XIRP2: variants seen among roughly 807,000 people sequenced by gnomAD.
XIRP2 encodes xin actin binding repeat containing 2.
XIRP2 carries 236 observed loss-of-function variants against 277.0 expected under a neutral mutation model. The ratio of observed to expected loss-of-function variants is 0.85; its 90% CI spans 0.77 to 0.95. XIRP2 has a LOEUF of 0.95. XIRP2 is among the 40% of genes least tolerant of loss of function. XIRP2 has a pLI of 0.00. For missense variants in XIRP2, 4,640 were observed against 4,157.5 expected (o/e 1.12, Z -3.19); for synonymous variants, 1,490 against 1,416.5 (o/e 1.05, Z -1.17).
intron 2 of XIRP2, among the ~76,000 whole-genome samples, chr2:167,118,482 G>GATAAAATAAAAGAAAATAAA (rs1690958840): frequency 8.2e-6 from 1 of 122,162 alleles, no homozygotes; most frequent in Non-Finnish European, 1.7e-5. Flanking sequence ...ACTCTGTCTC[G>GATAAAATAAAAGAAAATAAA]ATAAAATAAA....
At chr2:166,918,824 A>T (rs1192165923) in intron 2 of XIRP2, among the ~76,000 whole-genome samples, 1 of 152,178 alleles carries the variant, frequency 6.6e-6, no homozygotes, top group Non-Finnish European at 1.5e-5. Context: ...TCTGAGGACC[A>T]TCTTTCTTAA....
chr2:167,020,509 T>C (rs1687951877), intron 2 of XIRP2, among the ~76,000 whole-genome samples: 1 of 152,014 alleles, frequency 6.6e-6, no homozygotes, highest in Non-Finnish European at 1.5e-5. Flanking sequence ...AAACTGTATA[T>C]ATGTCTCAAT....
At chr2:167,123,857 A>G (rs1691126472) in intron 2 of XIRP2, 1 of 152,072 alleles carries the variant, frequency 6.6e-6, no homozygotes, top group Non-Finnish European at 1.5e-5. Context: ...GGTACTGGGG[A>G]TTAGAATTTT....
chr2:167,181,326 C>T (rs1693001786), intron 3 of XIRP2, among the ~76,000 whole-genome samples: 2 of 152,170 alleles, frequency 1.3e-5, no homozygotes, highest in South Asian at 2.1e-4. Flanking sequence ...TCTTCTCTGA[C>T]TCAGAGTTTG....
At chr2:167,193,862 A>T (rs1218337233) in intron 3 of XIRP2, among the ~76,000 whole-genome samples, 1 of 141,458 alleles carries the variant, frequency 7.1e-6, no homozygotes, top group Non-Finnish European at 1.5e-5. Flanking sequence ...TGGGTGACAC[A>T]GTATGAGACT....
rs145820696 is a variant in XIRP2 at position 167,019,241 on chromosome 2, C to A, written c.408+115351C>A. On this transcript the variant is annotated intron_variant, in intron 2 of 10. Coordinates refer to ENST00000409195, the MANE Select transcript of XIRP2 (RefSeq NM_152381.6). ...ATGAACTCTCAAGGTCTCGTTCAGTCCCTGCTGTTATAAAAATCTAAGAGT... is the reference window on the plus strand; with the variant it reads ...ATGAACTCTCAAGGTCTCGTTCAGTACCTGCTGTTATAAAAATCTAAGAGT... Among the ~76,000 whole-genome samples the A allele has an allele frequency of 3.4e-4, 52 of 152,028 alleles. No homozygotes were observed. In the East Asian group the frequency reaches 9.3e-3, roughly 27 times the overall value.
In XIRP2 at chr2:167,247,691, G is replaced by C; in HGVS notation, c.6299G>C (p.Arg2100Thr). ...KNNLTTKESDRAVRELKKDDV... is the reference protein window; with the variant it reads ...KNNLTTKESDTAVRELKKDDV... ...AATCTAACAACTAAAGAATCAGACA[G>C]GGCAGTGAGAGAGCTGAAGAAGGAT... is the stretch of plus-strand genomic sequence containing the variant. Residue 2100 changes from arginine (R) to threonine (T), a missense_variant, in exon 9 of 11, where the codon AGG becomes ACG. Physicochemically the swap from Arg to Thr is moderately conservative, Grantham distance 71. Transcript: ENST00000409195. 1 of 1,613,626 alleles carries C rather than the reference G, an allele frequency of 6.2e-7. No individual in the cohort carries two copies.
At chr2:167,230,970 C>G (rs1233989009) in intron 5 of XIRP2, among the ~76,000 whole-genome samples, 1 of 152,100 alleles carries the variant, frequency 6.6e-6, no homozygotes, top group Non-Finnish European at 1.5e-5. Flanking sequence ...CAATCTCTTA[C>G]AACCAACTCC....
chr2:167,088,501 A>G (rs146255378), intron 2 of XIRP2, among the ~76,000 whole-genome samples: 2 of 152,276 alleles, frequency 1.3e-5, no homozygotes, highest in Non-Finnish European at 1.5e-5. Context: ...TACAGCCAGG[A>G]TGATCTTTCA....
chr2:166,938,643 A>G (rs1197706703), intron 2 of XIRP2, among the ~76,000 whole-genome samples: 3 of 152,082 alleles, frequency 2.0e-5, no homozygotes, highest in African/African-American at 7.2e-5. Flanking sequence ...TAATTCCTGG[A>G]TATCCTTGTT....
In XIRP2 at chr2:167,239,895, G is replaced by A; in HGVS notation, c.899G>A (p.Ser300Asn). 6.2e-7 allele frequency: 1 copy of A among 1,609,332 alleles called. No individual in the cohort carries two copies. Among genetic ancestry groups the A allele is most frequent in the Non-Finnish European group, 8.5e-7 (1 of 1,178,204 alleles). The change falls in exon 6 of 11, where the codon AGC (serine) becomes AAC (asparagine). Residue 300 changes from serine to asparagine, a missense_variant. Ser to Asn is a conservative substitution (Grantham distance 46). Transcript: ENST00000409195. ...HSSQVGTSRS[S>N]QEMARNEQEG... Reference sequence around the variant, plus strand: ...AGCCAGGTTGGCACTTCAAGAAGCAGCCAGGAAATGGCAAGAAATGAACAA... The same window carrying A: ...AGCCAGGTTGGCACTTCAAGAAGCAACCAGGAAATGGCAAGAAATGAACAA...
At chr2:167,158,697 G>C (rs2105338366) in intron 3 of XIRP2, among the ~76,000 whole-genome samples, 1 of 152,100 alleles carries the variant, frequency 6.6e-6, no homozygotes, top group East Asian at 1.9e-4. Context: ...TAAATTTTAA[G>C]ATTGAGATGT....
rs760986379 is a variant in XIRP2 at position 167,258,326 on chromosome 2, C to T, written c.*509C>T. 8.7e-6 allele frequency: 14 copies of T among 1,613,336 alleles called. No homozygotes were observed. The South Asian group carries it at 1.4e-4, about 16-fold the overall frequency. On this transcript the variant is annotated 3_prime_UTR_variant, in exon 11 of 11. Coordinates refer to ENST00000409195, the MANE Select transcript of XIRP2 (RefSeq NM_152381.6). ...AACTCCAGAAAATAAAGGACAAAGA[C>T]AAGATCACTTTCCATTTTTGCAGCC...
At position 167,160,554 on chromosome 2, in the gene XIRP2, G is replaced by C. The variant is rs147364781; in HGVS notation, c.562+24492G>C. Among the ~76,000 whole-genome samples, 842 of 152,266 alleles carry C rather than the reference G, an allele frequency of 5.5e-3. 5 individuals carry two copies. Among genetic ancestry groups the C allele is most frequent in the African/African-American group, 0.019 (810 of 41,554 alleles). Reference sequence around the variant, plus strand: ...TCACACGGCAACAGACAAGAGAAGAGAGCTTGTGCAGGGAAACTCCTCCCC... The same window carrying C: ...TCACACGGCAACAGACAAGAGAAGACAGCTTGTGCAGGGAAACTCCTCCCC... On this transcript the variant is annotated intron_variant, in intron 3 of 10. Coordinates refer to ENST00000409195, the MANE Select transcript of XIRP2 (RefSeq NM_152381.6).
chr2:167,177,062 G>C (rs1484887706), intron 3 of XIRP2, among the ~76,000 whole-genome samples: 2 of 152,172 alleles, frequency 1.3e-5, no homozygotes, highest in African/African-American at 4.8e-5. Flanking sequence ...CAGTTGGTGG[G>C]CAGGCGTAGA....
chr2:167,224,781 G>A lies in XIRP2; in HGVS notation c.858+6481G>A, dbSNP rs551955663. Among the ~76,000 whole-genome samples, 78 of 152,170 alleles carry A rather than the reference G, an allele frequency of 5.1e-4. 1 individual carries two copies. The highest frequency in any genetic ancestry group is 8.4e-4 in the Non-Finnish European group (57 of 68,008). On this transcript the variant is annotated intron_variant, in intron 5 of 10. Transcript: ENST00000409195. ...AAGTGGCAATTATTCTCAAAATAGC[G>A]TATGATTCACAAATGTGTATGTAAA...
chr2:166,936,577 A>C (rs1371452715), intron 2 of XIRP2, among the ~76,000 whole-genome samples: 1 of 152,178 alleles, frequency 6.6e-6, no homozygotes, highest in Admixed American at 6.5e-5. Context: ...TCCATCTTGA[A>C]TTAATTTTTG....
chr2:167,085,701 C>T (rs1479465671), intron 2 of XIRP2, among the ~76,000 whole-genome samples: 1 of 151,814 alleles, frequency 6.6e-6, no homozygotes, highest in African/African-American at 2.4e-5. Flanking sequence ...TATGTAATGG[C>T]CTTCTTTGTC....
intron 2 of XIRP2, among the ~76,000 whole-genome samples, chr2:167,023,597 T>G (rs1688052285): frequency 6.6e-6 from 1 of 152,240 alleles, no homozygotes; most frequent in South Asian, 2.1e-4. Flanking sequence ...AGGTCAAACA[T>G]GTAAGTCTTT....
Sources: gnomAD v4.1 joint callset for allele counts (sites outside exome capture counted in the v4.1 genomes callset) on GRCh38, gnomAD v4.1.1 for gene constraint, MANE v1.5 for transcripts, NCBI Gene and HGNC (gene_info 2026-07-23, HGNC 2026-07-21) for gene names.